DPP10: variants seen among roughly 807,000 people sequenced by gnomAD.
The protein encoded by DPP10 is inactive dipeptidyl peptidase 10.
In DPP10, 33 loss-of-function variants were observed where a neutral mutation model predicts 120.9. The observed-to-expected ratio is 0.27, with a 90% confidence interval of 0.21 to 0.37. The LOEUF is 0.37. DPP10 is among the 10% of genes least tolerant of loss of function. The pLI is 1.00. For synonymous variants in DPP10, 337 were observed against 326.1 expected, an observed-to-expected ratio of 1.03 and a Z score of -0.36; for missense variants, 816 against 942.8, an observed-to-expected ratio of 0.87 and a Z score of 1.76.
chr2:114,704,402 G>T (rs1244462780), intron 1 of DPP10, among the ~76,000 whole-genome samples: 1 of 152,106 alleles, frequency 6.6e-6, no homozygotes. Context: ...AGATAGGGAC[G>T]CTATGTGATA....
In DPP10 at chr2:115,388,458, G is replaced by A. The variant is rs573143849; in HGVS notation, c.271+44546G>A. Among the ~76,000 whole-genome samples, 6 of 152,310 alleles carry A rather than the reference G, an allele frequency of 3.9e-5. No homozygotes were observed. In the South Asian group the frequency reaches 1.0e-3, roughly 26 times the overall value. ...GGCTGGTTAGCAGGGCATGATTATAGTAAGTCAGGTGAGAGATGTAGGTGG... is the reference window on the plus strand; with the variant it reads ...GGCTGGTTAGCAGGGCATGATTATAATAAGTCAGGTGAGAGATGTAGGTGG... On this transcript the variant is annotated intron_variant, in intron 3 of 25. Coordinates refer to ENST00000410059, the MANE Select transcript of DPP10 (RefSeq NM_020868.6).
At chr2:115,325,815 T>A (rs2062327940) in intron 2 of DPP10, among the ~76,000 whole-genome samples, 1 of 152,142 alleles carries the variant, frequency 6.6e-6, no homozygotes, top group African/African-American at 2.4e-5. Flanking sequence ...AATTCTCATA[T>A]GTGCTCCTCT....
chr2:114,685,559 T>A (rs1322295973), intron 1 of DPP10, among the ~76,000 whole-genome samples: 1 of 151,996 alleles, frequency 6.6e-6, no homozygotes, highest in Admixed American at 6.6e-5. Context: ...CCATTTGATA[T>A]CCTATAATCA....
chr2:115,159,272 C>T (rs952627333), intron 1 of DPP10, among the ~76,000 whole-genome samples: 18 of 152,146 alleles, frequency 1.2e-4, no homozygotes, highest in African/African-American at 3.6e-4. Context: ...TGCCGGCTAA[C>T]ACGGTGAAAC....
Position 115,840,773 on chromosome 2 carries a change from G to A in DPP10, c.2206G>A (p.Ala736Thr). The change falls in exon 25 of 26, where the codon GCA (alanine) becomes ACA (threonine). Residue 736 changes from alanine to threonine, a missense_variant. This residue lies in a region of DPP10 where 592 missense variants were observed against 649.0 expected (regional missense o/e 0.91). Transcript: ENST00000410059. ...AGCAAAAGTTCATTTCCAACACTCA[G>A]CAGAATTAATCAAGCACCTAATAAA... is the stretch of plus-strand genomic sequence containing the variant. ...ADTKVHFQHS[A>T]ELIKHLIKAG... 1 of 1,613,598 alleles carries A rather than the reference G, an allele frequency of 6.2e-7. No homozygotes were observed. The highest frequency in any genetic ancestry group is 8.5e-7 in the Non-Finnish European group (1 of 1,179,814).
At chr2:115,741,074 T>C (rs1233132539) in intron 9 of DPP10, among the ~76,000 whole-genome samples, 2 of 152,182 alleles carry the variant, frequency 1.3e-5, no homozygotes, top group East Asian at 3.9e-4. Flanking sequence ...GGGGGTGAGG[T>C]CATTTACACT....
chr2:114,454,662 C>A (rs946317726), intron 1 of DPP10, among the ~76,000 whole-genome samples: 2 of 152,194 alleles, frequency 1.3e-5, no homozygotes, highest in African/African-American at 4.8e-5. Context: ...GCTCCTCATT[C>A]GGGCTGAATT....
intron 1 of DPP10, among the ~76,000 whole-genome samples, chr2:114,556,234 CATATATATAT>C (rs56772742): frequency 0.078 from 6,751 of 86,934 alleles, 325 homozygotes; most frequent in Middle Eastern, 0.13. Context: ...ATAGATGATA[CATATATATAT>C]ATATATATAT....
At chr2:114,798,999 C>T (rs1405562505) in intron 1 of DPP10, among the ~76,000 whole-genome samples, 1 of 151,934 alleles carries the variant, frequency 6.6e-6, no homozygotes, top group Non-Finnish European at 1.5e-5. Flanking sequence ...CATGGTGGTG[C>T]ACACCTACAA....
At chr2:114,604,555 A>G (rs932464315) in intron 1 of DPP10, among the ~76,000 whole-genome samples, 9 of 152,072 alleles carry the variant, frequency 5.9e-5, no homozygotes, top group Admixed American at 5.9e-4. Flanking sequence ...GAAGCCTCAC[A>G]TGGAAGAGCA....
intron 1 of DPP10, among the ~76,000 whole-genome samples, chr2:115,170,151 C>A (rs191102282): frequency 6.6e-6 from 1 of 152,266 alleles, no homozygotes; most frequent in East Asian, 1.9e-4. Context: ...TTACTTTTGG[C>A]AAGAGTTGAG....
Position 114,733,192 on chromosome 2 carries a change from A to G in DPP10, c.60+290354A>G, listed in dbSNP as rs1373726086. On this transcript the variant is annotated intron_variant, in intron 1 of 25. Coordinates refer to ENST00000410059, the MANE Select transcript of DPP10 (RefSeq NM_020868.6). ...CATTACTAATTTTGCTCCCAACTTC[A>G]GTAACTTCCTCTATATCCTTGGACA... 2.6e-5 allele frequency among the ~76,000 whole-genome samples: 4 copies of G among 152,226 alleles called. No individual in the cohort carries two copies. The East Asian group carries it at 7.7e-4, about 29-fold the overall frequency.
chr2:115,246,496 T>A (rs1370142135), intron 1 of DPP10, among the ~76,000 whole-genome samples: 1 of 152,166 alleles, frequency 6.6e-6, no homozygotes, highest in Non-Finnish European at 1.5e-5. Flanking sequence ...GTAAACTGAA[T>A]GATCAGTGTG....
At chr2:115,403,381 CTTTTTTTTTTTTTTTTTTTTTTTT>C (rs78116780) in intron 3 of DPP10, among the ~76,000 whole-genome samples, 1 of 118,386 alleles carries the variant, frequency 8.4e-6, no homozygotes, top group African/African-American at 3.6e-5. Flanking sequence ...TTCTTTCCTT[CTTTTTTTTTTTTTTTTTTTTTTTT>C]TTTTTTTTTT....
intron 3 of DPP10, among the ~76,000 whole-genome samples, chr2:115,379,007 C>A (rs1365841911): frequency 2.6e-5 from 4 of 152,076 alleles, no homozygotes; most frequent in African/African-American, 7.2e-5. Flanking sequence ...ATTGGTCTAA[C>A]ATTCTCTTTT....
intron 1 of DPP10, among the ~76,000 whole-genome samples, chr2:115,257,014 T>A (rs185426496): frequency 6.6e-6 from 1 of 152,340 alleles, no homozygotes; most frequent in East Asian, 1.9e-4. Context: ...GCACAACATG[T>A]ATGACCTTTG....
At chr2:114,496,221 T>G (rs900297740) in intron 1 of DPP10, among the ~76,000 whole-genome samples, 11 of 152,148 alleles carry the variant, frequency 7.2e-5, no homozygotes, top group African/African-American at 2.6e-4. Context: ...CTGGAAAAGG[T>G]GCCTGTGAAA....
At chr2:114,601,642 T>C (rs1020927268) in intron 1 of DPP10, among the ~76,000 whole-genome samples, 1 of 152,058 alleles carries the variant, frequency 6.6e-6, no homozygotes, top group East Asian at 1.9e-4. Flanking sequence ...TGAAATAACT[T>C]TGGCTTTATT....
chr2:114,861,822 C>T (rs1407971502), intron 1 of DPP10, among the ~76,000 whole-genome samples: 1 of 152,024 alleles, frequency 6.6e-6, no homozygotes, highest in Non-Finnish European at 1.5e-5. Context: ...TGGGCCAGTT[C>T]CTTAATGGCC....
Sources: allele counts gnomAD v4.1 joint callset (sites outside exome capture counted in the v4.1 genomes callset), GRCh38; gene constraint gnomAD v4.1.1; regional missense constraint gnomAD v4.1.1; transcripts MANE v1.5; gene names NCBI Gene and HGNC (gene_info 2026-07-23, HGNC 2026-07-21).